TM2D1: variants seen among roughly 807,000 people sequenced by gnomAD.
TM2D1 encodes TM2 domain-containing protein 1.
A neutral mutation model predicts 28.4 loss-of-function variants in TM2D1; 15 were observed. The observed-to-expected ratio is 0.53, with a 90% CI of 0.35 to 0.81. The LOEUF (loss-of-function observed/expected upper bound fraction) is 0.81, where lower values mean the gene tolerates loss of function less well. TM2D1 is among the 40% of genes least tolerant of loss of function. The pLI is 0.01. For synonymous variants in TM2D1, 93 were observed against 96.2 expected (o/e 0.97, Z 0.20); for missense variants, 236 against 254.9 (o/e 0.93, Z 0.50).
At chr1:61,688,217 ATT>A (rs1337656565) in intron 5 of TM2D1, among the ~76,000 whole-genome samples, 2 of 152,214 alleles carry the variant, frequency 1.3e-5, no homozygotes, top group East Asian at 3.9e-4. Flanking sequence ...AGTTTAAGAT[ATT>A]CTTTGTTTTG....
At chr1:61,700,831 A>T in intron 4 of TM2D1, 103 bp downstream of exon 4, 2 of 821,116 alleles carry the variant, frequency 2.4e-6, no homozygotes, top group Non-Finnish European at 3.8e-6. Context: ...CTCCAATTAT[A>T]TAGAACTTAT....
chr1:61,686,304 T>C (rs1445575448), intron 5 of TM2D1, among the ~76,000 whole-genome samples: 1 of 7,214 alleles, frequency 1.4e-4, no homozygotes, highest in Non-Finnish European at 2.7e-4. Flanking sequence ...CTGTTTTATT[T>C]ACTTTTTAAA....
chr1:61,707,125 T>C (rs1251420998), intron 3 of TM2D1, among the ~76,000 whole-genome samples: 1 of 151,774 alleles, frequency 6.6e-6, no homozygotes, highest in African/African-American at 2.4e-5. Context: ...CTTTGGGGCA[T>C]GCACCTCTAG....
chr1:61,684,167 C>T (rs1287856300), intron 5 of TM2D1, among the ~76,000 whole-genome samples: 1 of 152,144 alleles, frequency 6.6e-6, no homozygotes, highest in African/African-American at 2.4e-5. Flanking sequence ...TCCACTTAAT[C>T]ACATATGTGA....
chr1:61,692,765 C>T (rs934080063), intron 5 of TM2D1, among the ~76,000 whole-genome samples: 2 of 152,112 alleles, frequency 1.3e-5, no homozygotes, highest in African/African-American at 2.4e-5. Context: ...GGCTACCCAT[C>T]TTATTTGGCT....
intron 2 of TM2D1, among the ~76,000 whole-genome samples, chr1:61,711,509 G>A (rs1644479154): frequency 6.6e-6 from 1 of 151,830 alleles, no homozygotes; most frequent in Non-Finnish European, 1.5e-5. Flanking sequence ...TAATTGGTCA[G>A]GCATGGTGGT....
chr1:61,685,735 T>C (rs1288944759), intron 5 of TM2D1, among the ~76,000 whole-genome samples: 1 of 152,230 alleles, frequency 6.6e-6, no homozygotes, highest in Non-Finnish European at 1.5e-5. Context: ...TGAGTTTACA[T>C]AAAAATTAAC....
intron 2 of TM2D1, among the ~76,000 whole-genome samples, chr1:61,716,040 C>T (rs1311092760): frequency 2.0e-5 from 3 of 151,584 alleles, no homozygotes; most frequent in South Asian, 2.1e-4. Flanking sequence ...CTCCTGACCT[C>T]GTGATCCACC....
At chr1:61,709,540 A>G (rs985375597) in intron 2 of TM2D1, 103 bp from the exon 3 acceptor site, 10 of 756,026 alleles carry the variant, frequency 1.3e-5, no homozygotes, top group Non-Finnish European at 2.0e-5. Context: ...CTACCTCCCA[A>G]TATAACATGA....
intron 5 of TM2D1, among the ~76,000 whole-genome samples, chr1:61,691,921 T>A (rs1384438597): frequency 3.2e-5 from 2 of 62,052 alleles, no homozygotes; most frequent in African/African-American, 5.7e-5. Context: ...AAAAAAAACT[T>A]AAAAAAAAAA....
intron 2 of TM2D1, among the ~76,000 whole-genome samples, chr1:61,721,307 C>A (rs1430302761): frequency 1.3e-5 from 2 of 151,790 alleles, no homozygotes; most frequent in African/African-American, 4.8e-5. Flanking sequence ...TTTGGGAGGA[C>A]GAGGCAGGTG....
At chr1:61,721,544 A>G (rs1644564904) in intron 2 of TM2D1, among the ~76,000 whole-genome samples, 1 of 144,656 alleles carries the variant, frequency 6.9e-6, no homozygotes, top group Non-Finnish European at 1.5e-5. Flanking sequence ...TCTGTCTCAA[A>G]AAAAAAAAAA....
rs898048280 is a variant in TM2D1 at position 61,701,559 on chromosome 1, G to A, written c.348-534C>T. Among the ~76,000 whole-genome samples, 32 of 21,900 alleles carry A rather than the reference G, an allele frequency of 1.5e-3. No individual in the cohort carries two copies. In the Admixed American group the frequency reaches 0.015, roughly 10 times the overall value. The allele number at this position is 21,900 out of a possible 152,430, so 14.4% of individuals were successfully genotyped here. ...ATCCCTGCTCATAATTCTCTTTCGT[G>A]TGTGTGTGTGTGTGTGTGTGTGTGT... On this transcript the variant is annotated intron_variant, in intron 3 of 6. Coordinates refer to ENST00000606498, the MANE Select transcript of TM2D1 (RefSeq NM_032027.3).
chr1:61,724,783 G>C (rs1644592938), intron 1 of TM2D1, 174 bp downstream of exon 1: 1 of 642,008 alleles, frequency 1.6e-6, no homozygotes, highest in African/African-American at 1.8e-5. Context: ...GTGGCCTCTG[G>C]CCCTCCCATC....
intron 5 of TM2D1, among the ~76,000 whole-genome samples, chr1:61,687,235 G>GT (rs890206437): frequency 3.3e-5 from 5 of 152,068 alleles, no homozygotes; most frequent in South Asian, 2.1e-4. Flanking sequence ...TATATTAGAG[G>GT]TTACCAGAAG....
intron 3 of TM2D1, among the ~76,000 whole-genome samples, chr1:61,706,797 C>T (rs1283447328): frequency 1.5e-5 from 2 of 135,158 alleles, no homozygotes; most frequent in Non-Finnish European, 3.3e-5. Context: ...CCATTGCACT[C>T]CAGCCTGGGA....
intron 2 of TM2D1, among the ~76,000 whole-genome samples, chr1:61,723,175 C>T (rs1416786120): frequency 2.0e-5 from 3 of 152,044 alleles, no homozygotes; most frequent in African/African-American, 7.2e-5. Flanking sequence ...TACCCCAAAT[C>T]AAATAAATAT....
intron 2 of TM2D1, among the ~76,000 whole-genome samples, chr1:61,718,803 G>T (rs959257710): frequency 3.3e-5 from 5 of 152,230 alleles, no homozygotes; most frequent in African/African-American, 1.2e-4. Context: ...TTAAAATAAA[G>T]GGAGGCTGTA....
intron 3 of TM2D1, 49 bp from the exon 4 acceptor site, chr1:61,701,074 A>G (rs1453194201): frequency 6.8e-7 from 1 of 1,462,058 alleles, no homozygotes; most frequent in Non-Finnish European, 9.4e-7. Flanking sequence ...TGAACATTTT[A>G]GAAAAAAAAA....
Sources: allele counts gnomAD v4.1 joint callset (sites outside exome capture counted in the v4.1 genomes callset), GRCh38; gene constraint gnomAD v4.1.1; transcripts MANE v1.5; gene names NCBI Gene and HGNC (gene_info 2026-07-23, HGNC 2026-07-21).